SESTD1: variants seen among roughly 807,000 people sequenced by gnomAD.
The protein encoded by SESTD1 is SEC14 and spectrin domain containing 1.
A neutral mutation model predicts 101.7 loss-of-function variants in SESTD1; 43 were observed. The ratio of observed to expected loss-of-function variants is 0.42; its 90% CI spans 0.33 to 0.55. SESTD1 has a LOEUF of 0.55. Ranked by LOEUF, SESTD1 falls within the 20% of genes least tolerant of loss-of-function variation. The pLI is 0.07. For synonymous variants in SESTD1, 283 were observed against 286.8 expected (o/e 0.99, Z 0.13); for missense variants, 647 against 815.1 (o/e 0.79, Z 2.51).
At chr2:179,248,006 A>C (rs1297928186) in intron 1 of SESTD1, among the ~76,000 whole-genome samples, 1 of 151,928 alleles carries the variant, frequency 6.6e-6, no homozygotes, top group Non-Finnish European at 1.5e-5. Context: ...TCAAACCAAT[A>C]ATTTAAGCTC....
Position 179,160,278 on chromosome 2 carries a change from T to G in SESTD1, c.370-8887A>C, listed in dbSNP as rs568328650. On this transcript the variant is annotated intron_variant, in intron 5 of 17. Transcript: ENST00000428443. The stretch of plus-strand genomic sequence containing the variant: ...ATCACATGTATTACGTATAATTCAT[T>G]TTCATCCTATGATTCTAAATATGAA... Among the ~76,000 whole-genome samples, 158 of 152,282 alleles carry G rather than the reference T, an allele frequency of 1.0e-3. 1 individual carries two copies. Among genetic ancestry groups the G allele is most frequent in the African/African-American group, 3.7e-3 (155 of 41,552 alleles).
At chr2:179,258,038 A>C (rs954841619) in intron 1 of SESTD1, among the ~76,000 whole-genome samples, 4 of 152,344 alleles carry the variant, frequency 2.6e-5, no homozygotes, top group Middle Eastern at 3.4e-3. Context: ...CACAAGCTTT[A>C]AGAGCTCTTT....
chr2:179,181,753 A>G (rs185429365), intron 3 of SESTD1, among the ~76,000 whole-genome samples: 97 of 152,254 alleles, frequency 6.4e-4, no homozygotes, highest in South Asian at 4.8e-3. Flanking sequence ...CCATCTATGA[A>G]TATTTTTTTC....
chr2:179,232,756 A>T (rs1430707007), intron 1 of SESTD1, among the ~76,000 whole-genome samples: 4 of 152,202 alleles, frequency 2.6e-5, no homozygotes, highest in African/African-American at 9.6e-5. Flanking sequence ...TCGGAAAAAC[A>T]AAATACAAAA....
At position 179,108,171 on chromosome 2, in the gene SESTD1, A is replaced by G. The variant is rs2154393522; in HGVS notation, c.*1728T>C. 6.6e-6 allele frequency: 1 copy of G among 152,344 alleles called. No homozygotes were observed. Among genetic ancestry groups the G allele is most frequent in the Non-Finnish European group, 1.5e-5 (1 of 68,018 alleles). 9.4% of individuals were successfully genotyped at this position (152,344 alleles called of 1,614,324 possible). On this transcript the variant is annotated 3_prime_UTR_variant, in exon 18 of 18. Coordinates refer to ENST00000428443, the MANE Select transcript of SESTD1 (RefSeq NM_178123.5). ...CAGGTATGTAATCCAGAACATTGGT[A>G]TAAAATAAAAACTCTAAGGATGAGA...
At chr2:179,240,520 T>G (rs1054436834) in intron 1 of SESTD1, among the ~76,000 whole-genome samples, 2 of 152,106 alleles carry the variant, frequency 1.3e-5, no homozygotes, top group Middle Eastern at 3.4e-3. Flanking sequence ...ATCTCAGACT[T>G]GCAGCTGTAA....
chr2:179,174,289 T>C (rs2045973247), intron 4 of SESTD1: 2 of 375,006 alleles, frequency 5.3e-6, no homozygotes, highest in Non-Finnish European at 5.3e-6. Context: ...TGACTAGAAG[T>C]AAAAAGGCCA....
At chr2:179,217,987 C>T (rs1224771407) in intron 1 of SESTD1, among the ~76,000 whole-genome samples, 4 of 123,734 alleles carry the variant, frequency 3.2e-5, no homozygotes, top group African/African-American at 9.1e-5. Flanking sequence ...TTGGGGGTTG[C>T]GGGGCTGGGG....
In SESTD1 at chr2:179,176,545, C is replaced by T; in HGVS notation, c.165-7G>A. 5 of 1,608,162 alleles carry T rather than the reference C, an allele frequency of 3.1e-6. No homozygotes were observed. The highest frequency in any genetic ancestry group is 4.2e-6 in the Non-Finnish European group (5 of 1,176,742). On this transcript the variant is annotated splice_polypyrimidine_tract_variant and splice_region_variant and intron_variant, in intron 3 of 17. Coordinates refer to ENST00000428443, the MANE Select transcript of SESTD1 (RefSeq NM_178123.5). ...TCTAGCCTTACACTTCTCACTGAAACAAAATAAAATTACAAAGCATTAAAA... is the reference window on the plus strand; with the variant it reads ...TCTAGCCTTACACTTCTCACTGAAATAAAATAAAATTACAAAGCATTAAAA...
intron 7 of SESTD1, among the ~76,000 whole-genome samples, chr2:179,147,043 A>T (rs1187473028): frequency 4.6e-5 from 7 of 152,150 alleles, no homozygotes; most frequent in African/African-American, 1.7e-4. Flanking sequence ...TGAAGGAAAG[A>T]AAGGGGACAA....
chr2:179,150,544 G>A (rs2045497622), intron 6 of SESTD1, among the ~76,000 whole-genome samples: 1 of 151,716 alleles, frequency 6.6e-6, no homozygotes, highest in African/African-American at 2.4e-5. Context: ...ACTGTTGGCT[G>A]GGAGCAGTGG....
Position 179,109,689 on chromosome 2 carries a change from T to A in SESTD1, c.*210A>T. On this transcript the variant is annotated 3_prime_UTR_variant, in exon 18 of 18. Coordinates refer to ENST00000428443, the MANE Select transcript of SESTD1 (RefSeq NM_178123.5). ...GTGCAATGTTTATAGTTCCTTCTTT[T>A]AAGATACTTGGAATCTACAGCCTCG... 2 of 567,628 alleles carry A rather than the reference T, an allele frequency of 3.5e-6. No homozygotes were observed. Among genetic ancestry groups the A allele is most frequent in the Non-Finnish European group, 5.9e-6 (2 of 336,724 alleles). 35.2% of individuals were successfully genotyped at this position (567,628 alleles called of 1,614,324 possible).
chr2:179,222,587 C>T (rs1254546739), intron 1 of SESTD1, among the ~76,000 whole-genome samples: 4 of 151,874 alleles, frequency 2.6e-5, no homozygotes, highest in African/African-American at 7.3e-5. Context: ...TTTTATATTC[C>T]AAGAATATTC....
chr2:179,213,830 A>G lies in SESTD1; in HGVS notation c.-25-21964T>C, dbSNP rs1401470792. Among the ~76,000 whole-genome samples the G allele has an allele frequency of 2.9e-5, 4 of 135,640 alleles. 2 individuals carry two copies. Among genetic ancestry groups the G allele is most frequent in the African/African-American group, 5.8e-5 (2 of 34,342 alleles). The allele number at this position is 135,640 out of a possible 152,430, so 89.0% of individuals were successfully genotyped here. ...AAAAGAGTGGGGGACAATATTCACC[A>G]TTCTTAAAGAAAAGAATTTTCAACC... On this transcript the variant is annotated intron_variant, in intron 1 of 17. Transcript: ENST00000428443.
At chr2:179,174,865 C>T (rs537620025) in intron 4 of SESTD1, among the ~76,000 whole-genome samples, 1 of 151,690 alleles carries the variant, frequency 6.6e-6, no homozygotes, top group South Asian at 2.1e-4. Context: ...AGGAGGACTG[C>T]CTGAGCCCAG....
At chr2:179,241,880 C>T (rs112126196) in intron 1 of SESTD1, among the ~76,000 whole-genome samples, 1 of 150,518 alleles carries the variant, frequency 6.6e-6, no homozygotes, top group Non-Finnish European at 1.5e-5. Flanking sequence ...TGAGATCATG[C>T]CATTGCACTC....
chr2:179,198,983 C>CA (rs1396375950), intron 1 of SESTD1, among the ~76,000 whole-genome samples: 3 of 152,004 alleles, frequency 2.0e-5, no homozygotes, highest in Admixed American at 1.3e-4. Flanking sequence ...AATAGAGACA[C>CA]AAAAAATCCT....
At chr2:179,173,853 T>C (rs1351802070) in intron 4 of SESTD1, among the ~76,000 whole-genome samples, 1 of 152,166 alleles carries the variant, frequency 6.6e-6, no homozygotes. Flanking sequence ...TAAAACTTTA[T>C]AAATTCAAGG....
At chr2:179,171,405 CAAG>C (rs2105473788) in intron 5 of SESTD1, among the ~76,000 whole-genome samples, 1 of 152,228 alleles carries the variant, frequency 6.6e-6, no homozygotes, top group East Asian at 1.9e-4. Flanking sequence ...TATAGCATGG[CAAG>C]TTCCAAAATG....
Sources: allele counts gnomAD v4.1 joint callset (sites outside exome capture counted in the v4.1 genomes callset), GRCh38; gene constraint gnomAD v4.1.1; transcripts MANE v1.5; gene names NCBI Gene and HGNC (gene_info 2026-07-23, HGNC 2026-07-21).